The following PDE6A variants were observed in gnomAD, a reference collection of about 807,000 sequenced individuals.
PDE6A encodes the protein rod cGMP-specific 3',5'-cyclic phosphodiesterase subunit alpha.
PDE6A carries 84 observed loss-of-function variants against 106.3 expected under a neutral mutation model. That is an observed-to-expected ratio of 0.79 (90% CI 0.66 to 0.95). The LOEUF (loss-of-function observed/expected upper bound fraction) is 0.95. Among genes scored for constraint, PDE6A ranks in the 40% least tolerant of loss-of-function variants. PDE6A has a pLI of 0.00. For synonymous variants in PDE6A, 394 were observed against 386.6 expected, an observed-to-expected ratio of 1.02 and a Z score of -0.23; for missense variants, 1,052 against 1,084.9, an observed-to-expected ratio of 0.97 and a Z score of 0.43.
chr5:149,942,517 G>A (rs938836813), intron 1 of PDE6A, among the ~76,000 whole-genome samples: 1 of 152,086 alleles, frequency 6.6e-6, no homozygotes, highest in African/African-American at 2.4e-5. Context: ...GGTATTTCTC[G>A]TCAGGTGGGA....
At chr5:149,878,433 G>C (rs1029438153) in intron 17 of PDE6A, among the ~76,000 whole-genome samples, 1 of 152,044 alleles carries the variant, frequency 6.6e-6, no homozygotes, top group South Asian at 2.1e-4. Flanking sequence ...TAGGTATTTC[G>C]ATTGTTTTCA....
chr5:149,938,799 T>A (rs1459240785), intron 1 of PDE6A, among the ~76,000 whole-genome samples: 1 of 152,096 alleles, frequency 6.6e-6, no homozygotes, highest in Non-Finnish European at 1.5e-5. Context: ...CTGTGGCAAA[T>A]CTTCCCAAGG....
chr5:149,895,507 A>ATGTTGT (rs3841534), intron 12 of PDE6A, among the ~76,000 whole-genome samples: 2,026 of 151,500 alleles, frequency 0.013, 22 homozygotes, highest in South Asian at 0.035. Flanking sequence ...TACTAAGAAG[A>ATGTTGT]TGTTGTTGTT....
At position 149,899,371 on chromosome 5, in the gene PDE6A, A is replaced by G. The variant is rs1186203296; in HGVS notation, c.1263+4T>C. 3.7e-6 allele frequency: 6 copies of G among 1,614,014 alleles called. No individual in the cohort carries two copies. The highest frequency in any genetic ancestry group is 5.1e-6 in the Non-Finnish European group (6 of 1,179,998). On this transcript the variant is annotated splice_donor_region_variant and intron_variant, in intron 9 of 21. Transcript: ENST00000255266. ...ACAGCAAAAGGCCTCCTAGCAAGCC[A>G]TACCTCCATGAGCGTCTCATCCATT...
At chr5:149,868,965 AAAAAAAG>A (rs1200401809) in intron 17 of PDE6A, among the ~76,000 whole-genome samples, 1 of 152,214 alleles carries the variant, frequency 6.6e-6, no homozygotes, top group Admixed American at 6.5e-5. Context: ...TTAAAAGGTA[AAAAAAAG>A]AAAAAAGAAA....
chr5:149,898,296 T>A (rs1426983606), intron 10 of PDE6A, 67 bp downstream of exon 10: 20 of 1,533,796 alleles, frequency 1.3e-5, no homozygotes, highest in African/African-American at 4.1e-5. Context: ...AAGTTTTGCC[T>A]TAATCTGGCC....
At chr5:149,921,608 A>G (rs767275895) in intron 5 of PDE6A, 27 bp downstream of exon 5, 16 of 1,568,900 alleles carry the variant, frequency 1.0e-5, no homozygotes, top group Non-Finnish European at 1.4e-5. Flanking sequence ...ATATTAAATC[A>G]TACTGAAAAG....
chr5:149,910,938 G>T (rs1400977721), intron 6 of PDE6A, among the ~76,000 whole-genome samples: 2 of 129,302 alleles, frequency 1.5e-5, no homozygotes, highest in Non-Finnish European at 3.1e-5. Flanking sequence ...GGAGTGCAGT[G>T]GTGCGATCAT....
intron 4 of PDE6A, among the ~76,000 whole-genome samples, chr5:149,927,166 A>G (rs754884965): frequency 3.9e-5 from 6 of 152,126 alleles, no homozygotes; most frequent in Non-Finnish European, 7.4e-5. Flanking sequence ...CTACACACCT[A>G]AACATAGCTA....
At chr5:149,887,274 G>A (rs1243338985) in intron 13 of PDE6A, among the ~76,000 whole-genome samples, 1 of 152,158 alleles carries the variant, frequency 6.6e-6, no homozygotes, top group African/African-American at 2.4e-5. Context: ...CCTCAAAAAT[G>A]TTATGTTAAG....
intron 5 of PDE6A, among the ~76,000 whole-genome samples, chr5:149,916,516 C>T (rs944644181): frequency 2.0e-5 from 3 of 152,254 alleles, no homozygotes; most frequent in African/African-American, 7.2e-5. Flanking sequence ...TTCATGACCC[C>T]AAACTAACTC....
intron 17 of PDE6A, among the ~76,000 whole-genome samples, chr5:149,873,180 T>G (rs1760621376): frequency 6.6e-6 from 1 of 152,198 alleles, no homozygotes; most frequent in Admixed American, 6.5e-5. Context: ...AATTTGTATT[T>G]ACTTATTTAC....
Position 149,860,651 on chromosome 5 carries a change from C to CG in PDE6A, c.*243dup. ...AACATTATGAAATTTTTTTTTTTGG[C>CG]GATTTTTTTTTTTAAGTTCAACAGC... On this transcript the variant is annotated 3_prime_UTR_variant, in exon 22 of 22. Coordinates refer to ENST00000255266, the MANE Select transcript of PDE6A (RefSeq NM_000440.3). 2.8e-6 allele frequency: 1 copy of CG among 352,536 alleles called. No individual in the cohort carries two copies. The highest frequency in any genetic ancestry group is 5.1e-6 in the Non-Finnish European group (1 of 195,822). The allele number at this position is 352,536 out of a possible 1,614,324, so 21.8% of individuals were successfully genotyped here. A position where few individuals can be genotyped will look rare whatever the true frequency, so the allele number is the denominator to read the frequency against.
chr5:149,921,426 GT>G (rs1004938906), intron 5 of PDE6A, among the ~76,000 whole-genome samples: 12 of 148,388 alleles, frequency 8.1e-5, no homozygotes, highest in South Asian at 6.5e-4. Context: ...TATTGTTGCT[GT>G]TTTTTTTTTA....
At chr5:149,865,588 G>C (rs563248277) in intron 20 of PDE6A, among the ~76,000 whole-genome samples, 1 of 152,312 alleles carries the variant, frequency 6.6e-6, no homozygotes, top group African/African-American at 2.4e-5. Flanking sequence ...TCCTAGCAAA[G>C]GGCTGCAGCT....
At position 149,907,316 on chromosome 5, in the gene PDE6A, C is replaced by A. The variant is rs370118414; in HGVS notation, c.1061G>T (p.Gly354Val). 1 of 1,612,212 alleles carries A rather than the reference C, an allele frequency of 6.2e-7. No individual in the cohort carries two copies. The highest frequency in any genetic ancestry group is 1.7e-5 in the Admixed American group (1 of 60,022). The change falls in exon 7 of 22, where the codon GGC (glycine) becomes GTC (valine). Residue 354 changes from glycine to valine, a missense_variant. By Grantham distance (109) the Gly-to-Val change is moderately radical. This residue lies in a region of PDE6A where 913 missense variants were observed against 915.2 expected (regional missense o/e 1.00). Transcript: ENST00000255266. Reference sequence around the variant, plus strand: ...CTTCAAAGTTATATTACTTACCAGGCCATTCTGGGCAACATAAGCTGGGAG... The same window carrying A: ...CTTCAAAGTTATATTACTTACCAGGACATTCTGGGCAACATAAGCTGGGAG... Reference protein sequence around the residue: ...SGLPAYVAQNGLICNIMNAPA... With the variant: ...SGLPAYVAQNVLICNIMNAPA...
At chr5:149,888,649 C>T (rs966110316) in intron 13 of PDE6A, among the ~76,000 whole-genome samples, 1 of 151,298 alleles carries the variant, frequency 6.6e-6, no homozygotes, top group Non-Finnish European at 1.5e-5. Context: ...AAACTTTTGT[C>T]CTAATGTAGG....
chr5:149,872,676 C>T (rs993679427), intron 17 of PDE6A, among the ~76,000 whole-genome samples: 2 of 152,138 alleles, frequency 1.3e-5, no homozygotes, highest in African/African-American at 2.4e-5. Context: ...CTGGAGGGTA[C>T]AGCAGGAGAC....
At chr5:149,899,555 C>A (rs1252442806) in intron 8 of PDE6A, 31 bp from the exon 9 acceptor site, 3 of 1,612,058 alleles carry the variant, frequency 1.9e-6, no homozygotes, top group Non-Finnish European at 2.5e-6. Context: ...TAGGTTTCCT[C>A]TTGTTTCAGG....
Sources: gnomAD v4.1 joint callset for allele counts (sites outside exome capture counted in the v4.1 genomes callset) on GRCh38, gnomAD v4.1.1 for gene constraint, gnomAD v4.1.1 regional missense constraint, MANE v1.5 for transcripts, NCBI Gene and HGNC (gene_info 2026-07-23, HGNC 2026-07-21) for gene names.